TTC27: variants seen among roughly 807,000 people sequenced by gnomAD.
TTC27 encodes the protein tetratricopeptide repeat domain 27, also known as tetratricopeptide repeat protein 27.
In TTC27, 79 loss-of-function variants were observed where a neutral mutation model predicts 115.9. That is an observed-to-expected ratio of 0.68 (90% CI 0.57 to 0.82). TTC27 has a LOEUF of 0.82. TTC27 is among the 40% of genes least tolerant of loss of function. TTC27 has a pLI of 0.00. For missense variants in TTC27, 1,054 were observed against 993.1 expected (o/e 1.06, Z -0.82); for synonymous variants, 401 against 356.0 (o/e 1.13, Z -1.42).
At chr2:32,749,334 G>T (rs770310052) in intron 12 of TTC27, among the ~76,000 whole-genome samples, 1 of 152,136 alleles carries the variant, frequency 6.6e-6, no homozygotes, top group Non-Finnish European at 1.5e-5. Flanking sequence ...AGCTTTAAAG[G>T]TGTTTCAAAC....
chr2:32,717,008 ATT>A (rs10549038), intron 10 of TTC27, among the ~76,000 whole-genome samples: 95,110 of 140,696 alleles, frequency 0.68, 32,091 homozygotes, highest in East Asian at 0.78. Flanking sequence ...TTTTTTTTTA[ATT>A]TTTTTTTTTT....
At chr2:32,658,968 TTTC>T (rs1665434007) in intron 5 of TTC27, among the ~76,000 whole-genome samples, 1 of 152,124 alleles carries the variant, frequency 6.6e-6, no homozygotes, top group African/African-American at 2.4e-5. Flanking sequence ...TGTTTCCCCT[TTTC>T]TTTTATTTTT....
At chr2:32,630,890 G>A (rs1380174312) in intron 2 of TTC27, among the ~76,000 whole-genome samples, 190 bp downstream of exon 2, 1 of 152,202 alleles carries the variant, frequency 6.6e-6, no homozygotes, top group Non-Finnish European at 1.5e-5. Context: ...GTAAAGTGGT[G>A]CAGGATAAAA....
intron 4 of TTC27, among the ~76,000 whole-genome samples, chr2:32,648,097 G>A (rs560942197): frequency 6.6e-6 from 1 of 152,054 alleles, no homozygotes; most frequent in East Asian, 1.9e-4. Flanking sequence ...TGATATTGGG[G>A]CTGTGGAAGA....
intron 3 of TTC27, among the ~76,000 whole-genome samples, chr2:32,637,169 T>C (rs1226396943): frequency 6.6e-6 from 1 of 152,222 alleles, no homozygotes; most frequent in Non-Finnish European, 1.5e-5. Context: ...TAGTATACCA[T>C]GTGCTGTCTC....
chr2:32,786,081 A>G (rs1255951431), intron 15 of TTC27, among the ~76,000 whole-genome samples: 1 of 151,966 alleles, frequency 6.6e-6, no homozygotes, highest in Non-Finnish European at 1.5e-5. Flanking sequence ...TTGTTAAACA[A>G]TTAAGAAAAA....
chr2:32,746,542 A>G (rs1572571824), intron 12 of TTC27, among the ~76,000 whole-genome samples: 1 of 124,246 alleles, frequency 8.0e-6, no homozygotes, highest in East Asian at 2.6e-4. Context: ...CAGCCTTGGC[A>G]ATAAGAGTGA....
intron 2 of TTC27, among the ~76,000 whole-genome samples, chr2:32,633,445 C>T (rs1437444076): frequency 6.6e-6 from 1 of 152,008 alleles, no homozygotes; most frequent in Non-Finnish European, 1.5e-5. Flanking sequence ...CAGGGTCTCG[C>T]TTTATCATCT....
At chr2:32,689,348 AG>A (rs1407115669) in intron 9 of TTC27, among the ~76,000 whole-genome samples, 5 of 152,174 alleles carry the variant, frequency 3.3e-5, no homozygotes, top group African/African-American at 1.2e-4. Context: ...TCACATGACC[AG>A]ATTTATTTAG....
At chr2:32,681,926 T>C (rs1226205354) in intron 9 of TTC27, among the ~76,000 whole-genome samples, 2 of 151,726 alleles carry the variant, frequency 1.3e-5, no homozygotes, top group African/African-American at 2.4e-5. Context: ...GCCTCTCTTT[T>C]TGCAAGGTTC....
rs1475295217 is a variant in TTC27 at position 32,764,849 on chromosome 2, A to G, written c.1680+6330A>G. Among the ~76,000 whole-genome samples the G allele has an allele frequency of 5.3e-5, 8 of 152,252 alleles. No homozygotes were observed. In the East Asian group the frequency reaches 1.2e-3, roughly 22 times the overall value. Reference sequence around the variant, plus strand: ...AAGAAACCACTTTCTTTATTCATGCATAAGAGGCAACTTCTCATTTCTTCA... The same window carrying G: ...AAGAAACCACTTTCTTTATTCATGCGTAAGAGGCAACTTCTCATTTCTTCA... On this transcript the variant is annotated intron_variant, in intron 13 of 19. Transcript: ENST00000317907.
intron 9 of TTC27, among the ~76,000 whole-genome samples, chr2:32,699,891 C>T (rs1667126158): frequency 6.6e-6 from 1 of 152,216 alleles, no homozygotes; most frequent in Admixed American, 6.5e-5. Context: ...CTCTTGTTCT[C>T]ATACCAGTGT....
At chr2:32,656,780 G>A (rs1665336844) in intron 5 of TTC27, among the ~76,000 whole-genome samples, 2 of 152,042 alleles carry the variant, frequency 1.3e-5, no homozygotes, top group Non-Finnish European at 2.9e-5. Flanking sequence ...CTTCTGATAA[G>A]GTTTGTTCAA....
chr2:32,752,937 C>T (rs1335505921), intron 12 of TTC27, among the ~76,000 whole-genome samples: 1 of 152,176 alleles, frequency 6.6e-6, no homozygotes, highest in African/African-American at 2.4e-5. Context: ...TGCTGTGTAA[C>T]AAACCCACTC....
intron 13 of TTC27, among the ~76,000 whole-genome samples, chr2:32,771,953 C>A (rs1669844352): frequency 6.6e-6 from 1 of 151,982 alleles, no homozygotes; most frequent in African/African-American, 2.4e-5. Context: ...CAGAAAAATT[C>A]AAAACAGTTG....
At chr2:32,797,810 C>T (rs773702063) in intron 16 of TTC27, among the ~76,000 whole-genome samples, 4 of 152,010 alleles carry the variant, frequency 2.6e-5, no homozygotes, top group East Asian at 1.9e-4. Flanking sequence ...ACAGTATCAA[C>T]GGAGTAAAAA....
chr2:32,640,443 G>A, intron 4 of TTC27, 33 bp downstream of exon 4: 1 of 1,606,856 alleles, frequency 6.2e-7, no homozygotes, highest in East Asian at 2.2e-5. Flanking sequence ...TCATACCCTG[G>A]TATGACTTTT....
Position 32,640,402 on chromosome 2 carries a change from G to C in TTC27, c.529G>C (p.Ala177Pro). ...ILVNVRHKLT[A>P]IQSLPWWTLR... is the part of the protein sequence containing the mutation. ...AGTGAATGTAAGACATAAACTGACA[G>C]CTATTCAGGTAAGGAAAGGATCCAT... The change falls in exon 4 of 20, where the codon GCT (alanine) becomes CCT (proline). Residue 177 changes from alanine to proline, a missense_variant. Ala to Pro is a conservative substitution (Grantham distance 27). Coordinates refer to ENST00000317907, the MANE Select transcript of TTC27 (RefSeq NM_017735.5). 1 of 1,613,344 alleles carries C rather than the reference G, an allele frequency of 6.2e-7. No individual in the cohort carries two copies. The highest frequency in any genetic ancestry group is 8.5e-7 in the Non-Finnish European group (1 of 1,179,906).
chr2:32,666,298 T>G (rs1807917), intron 6 of TTC27, among the ~76,000 whole-genome samples: 34,500 of 151,914 alleles, frequency 0.23, 5,932 homozygotes, highest in African/African-American at 0.48. Context: ...GAACTTTTGT[T>G]TCTGTCATCT....
Sources: allele counts gnomAD v4.1 joint callset (sites outside exome capture counted in the v4.1 genomes callset), GRCh38; gene constraint gnomAD v4.1.1; transcripts MANE v1.5; gene names NCBI Gene and HGNC (gene_info 2026-07-23, HGNC 2026-07-21).